OTUD7A: variants seen among roughly 807,000 people sequenced by gnomAD.
OTUD7A encodes the protein OTU domain-containing protein 7A.
In OTUD7A, 12 loss-of-function variants were observed where a neutral mutation model predicts 65.7. The ratio of observed to expected loss-of-function variants is 0.18; its 90% CI spans 0.12 to 0.30. The LOEUF (loss-of-function observed/expected upper bound fraction) is 0.30. Among genes scored for constraint, OTUD7A ranks in the 10% least tolerant of loss-of-function variants. The probability of loss-of-function intolerance (pLI) is 1.00; values close to 1 mark genes in which losing one functional copy is unlikely to be tolerated. For synonymous variants in OTUD7A, 641 were observed against 586.3 expected, an observed-to-expected ratio of 1.09 and a Z score of -1.35; for missense variants, 1,148 against 1,304.8, an observed-to-expected ratio of 0.88 and a Z score of 1.85.
chr15:31,756,157 C>T (rs1403615592), intron 1 of OTUD7A, among the ~76,000 whole-genome samples: 3 of 152,236 alleles, frequency 2.0e-5, no homozygotes, highest in African/African-American at 7.2e-5. Context: ...TCAACTTCCA[C>T]ACCTCTGACT....
At chr15:31,830,213 CT>C (rs1217786429) in intron 1 of OTUD7A, among the ~76,000 whole-genome samples, 1 of 152,212 alleles carries the variant, frequency 6.6e-6, no homozygotes, top group East Asian at 1.9e-4. Flanking sequence ...TGTAAACACT[CT>C]TAGTCAATGA....
intron 1 of OTUD7A, among the ~76,000 whole-genome samples, chr15:31,799,617 G>A (rs547128634): frequency 6.6e-6 from 1 of 152,260 alleles, no homozygotes; most frequent in Admixed American, 6.5e-5. Flanking sequence ...TCAAGAAGAG[G>A]GCCCTCATCA....
intron 1 of OTUD7A, chr15:31,766,212 C>G: frequency 6.5e-7 from 1 of 1,528,050 alleles, no homozygotes; most frequent in Non-Finnish European, 9.1e-7. Context: ...TTCTTCAGCA[C>G]AGCATAACAC....
At chr15:31,636,128 C>T (rs931010742) in intron 3 of OTUD7A, among the ~76,000 whole-genome samples, 1 of 152,184 alleles carries the variant, frequency 6.6e-6, no homozygotes, top group African/African-American at 2.4e-5. Flanking sequence ...CTGTGCTTTA[C>T]TGTATTGCCC....
chr15:31,545,363 G>A (rs1888098208), intron 5 of OTUD7A, among the ~76,000 whole-genome samples: 1 of 152,024 alleles, frequency 6.6e-6, no homozygotes, highest in Admixed American at 6.6e-5. Context: ...GTAGGCAAAG[G>A]TTTCTTAAGC....
At chr15:31,496,226 T>C (rs1322907995) in intron 10 of OTUD7A, among the ~76,000 whole-genome samples, 3 of 80,198 alleles carry the variant, frequency 3.7e-5, no homozygotes, top group African/African-American at 1.2e-4. Flanking sequence ...TGATAAATGA[T>C]TTTTTTTTTT....
chr15:31,818,782 G>A (rs1180691251), intron 1 of OTUD7A, among the ~76,000 whole-genome samples: 15 of 152,234 alleles, frequency 9.9e-5, no homozygotes, highest in Admixed American at 9.8e-4. Flanking sequence ...AACTCATGGT[G>A]ATTGATACAG....
chr15:31,554,899 T>A (rs1404849149), intron 5 of OTUD7A, among the ~76,000 whole-genome samples: 6 of 152,196 alleles, frequency 3.9e-5, no homozygotes, highest in Non-Finnish European at 8.8e-5. Flanking sequence ...TCAGCTGGTT[T>A]TAGGCCCAGA....
intron 1 of OTUD7A, among the ~76,000 whole-genome samples, chr15:31,685,527 C>T (rs538153638): frequency 1.7e-4 from 26 of 151,248 alleles, no homozygotes; most frequent in African/African-American, 5.1e-4. Flanking sequence ...GGCGTGGTGG[C>T]GGGCGCCTGT....
intron 3 of OTUD7A, among the ~76,000 whole-genome samples, chr15:31,577,329 G>A (rs190179314): frequency 5.9e-5 from 9 of 152,152 alleles, no homozygotes; most frequent in Middle Eastern, 3.4e-3. Flanking sequence ...CAAGAGCCTC[G>A]GCTTCCACAA....
rs375130342 is a variant in OTUD7A at position 31,511,016 on chromosome 15, TAC to T, written c.894-7200_894-7199del. Among the ~76,000 whole-genome samples the T allele has an allele frequency of 6.3e-3, 141 of 22,434 alleles. 22 individuals carry two copies. The highest frequency in any genetic ancestry group is 9.7e-3 in the South Asian group (13 of 1,334). The allele number at this position is 22,434 out of a possible 152,430, so 14.7% of individuals were successfully genotyped here. ...AACATATGTATATCTATATGTAACA[TAC>T]ATGTATATCTATATGTAACATACAT... On this transcript the variant is annotated intron_variant, in intron 8 of 12. Coordinates refer to ENST00000307050, the MANE Select transcript of OTUD7A (RefSeq NM_001382637.1).
At chr15:31,680,857 T>C (rs1358826634) in intron 1 of OTUD7A, among the ~76,000 whole-genome samples, 5 of 151,776 alleles carry the variant, frequency 3.3e-5, no homozygotes, top group Non-Finnish European at 7.4e-5. Context: ...AAGGCAGGGC[T>C]AGTTTTGAGT....
intron 3 of OTUD7A, among the ~76,000 whole-genome samples, chr15:31,585,405 G>C (rs1889500773): frequency 6.6e-6 from 1 of 152,254 alleles, no homozygotes; most frequent in Non-Finnish European, 1.5e-5. Flanking sequence ...TTCTGGCCCA[G>C]CTCTGGGGAA....
intron 1 of OTUD7A, among the ~76,000 whole-genome samples, chr15:31,860,201 C>T (rs893575270): frequency 1.3e-5 from 2 of 152,152 alleles, no homozygotes; most frequent in Non-Finnish European, 2.9e-5. Flanking sequence ...TCACACTCTG[C>T]TGTATGACAA....
intron 1 of OTUD7A, among the ~76,000 whole-genome samples, chr15:31,835,208 G>T (rs563232391): frequency 6.6e-6 from 1 of 152,340 alleles, no homozygotes; most frequent in African/African-American, 2.4e-5. Flanking sequence ...ATGGAGAAAA[G>T]CTAGGTTTAC....
intron 3 of OTUD7A, among the ~76,000 whole-genome samples, chr15:31,612,467 G>C (rs1343735813): frequency 1.3e-5 from 2 of 152,146 alleles, no homozygotes; most frequent in South Asian, 2.1e-4. Context: ...CAAGATTAAT[G>C]TACACAAATT....
At chr15:31,560,237 A>G (rs1288015377) in intron 4 of OTUD7A, among the ~76,000 whole-genome samples, 1 of 152,242 alleles carries the variant, frequency 6.6e-6, no homozygotes, top group African/African-American at 2.4e-5. Flanking sequence ...TTACGCTGAT[A>G]AATGCCTCCT....
intron 1 of OTUD7A, among the ~76,000 whole-genome samples, chr15:31,853,676 A>T (rs1472148485): frequency 6.6e-6 from 1 of 152,074 alleles, no homozygotes; most frequent in African/African-American, 2.4e-5. Flanking sequence ...GAAACACAAG[A>T]GGTCTGCTAT....
In OTUD7A at chr15:31,849,717, G is replaced by A. The variant is rs182878311; in HGVS notation, c.-100+20790C>T. ...TAAACAAATTTACAAGAAAACAATC[G>A]ACCCCATCAAAAAGTGGGCAAAGGA... On this transcript the variant is annotated intron_variant, in intron 1 of 12. Transcript: ENST00000307050. Among the ~76,000 whole-genome samples the A allele has an allele frequency of 6.7e-3, 1,021 of 151,946 alleles. 4 individuals carry two copies. Among genetic ancestry groups the A allele is most frequent in the Non-Finnish European group, 0.012 (783 of 67,928 alleles).
Sources: allele counts gnomAD v4.1 joint callset (sites outside exome capture counted in the v4.1 genomes callset), GRCh38; gene constraint gnomAD v4.1.1; transcripts MANE v1.5; gene names NCBI Gene and HGNC (gene_info 2026-07-23, HGNC 2026-07-21).